The following PPFIBP2 variants were observed in gnomAD, a reference collection of about 807,000 sequenced individuals.
PPFIBP2 encodes the protein liprin-beta-2.
A neutral mutation model predicts 118.3 loss-of-function variants in PPFIBP2; 118 were observed. The ratio of observed to expected loss-of-function variants is 1.00; its 90% CI spans 0.86 to 1.16. PPFIBP2 has a LOEUF of 1.16. PPFIBP2 is among the 50% of genes most tolerant of loss of function. The pLI, the probability that PPFIBP2 is intolerant of heterozygous loss-of-function variation, is 0.00. For missense variants in PPFIBP2, 1,195 were observed against 1,073.1 expected (o/e 1.11, Z -1.59); for synonymous variants, 414 against 397.4 (o/e 1.04, Z -0.50).
downstream of PPFIBP2, among the ~76,000 whole-genome samples, chr11:7,659,054 G>A (rs1854832024): frequency 7.1e-6 from 1 of 141,072 alleles, no homozygotes; most frequent in Admixed American, 7.0e-5. Flanking sequence ...CCCTTTGTCA[G>A]ATGAGTAGGT....
chr11:7,539,556 C>G (rs1383391096), intron 1 of PPFIBP2: 1 of 151,944 alleles, frequency 6.6e-6, no homozygotes, highest in Non-Finnish European at 1.5e-5. Context: ...CTCTTTATTT[C>G]CTTTCATTTT....
chr11:7,663,890 T>G, the PPFIBP2 span, among the ~76,000 whole-genome samples: 117,190 of 152,024 alleles, frequency 0.77, 45,317 homozygotes, highest in African/African-American at 0.79. Context: ...CGCAGTATTC[T>G]GGTGGGAGTG....
At chr11:7,598,984 A>G (rs1280366356) in intron 5 of PPFIBP2, among the ~76,000 whole-genome samples, 1 of 152,114 alleles carries the variant, frequency 6.6e-6, no homozygotes, top group African/African-American at 2.4e-5. Context: ...TTATCTTTTC[A>G]TTGCTGATTA....
rs139926463 is a variant in PPFIBP2 at position 7,653,742 on chromosome 11, A to G, written c.*524A>G. 6.2e-3 allele frequency: 7,562 copies of G among 1,217,320 alleles called. 32 individuals carry two copies. The highest frequency in any genetic ancestry group is 7.1e-3 in the Non-Finnish European group (6,835 of 956,952). The allele number at this position is 1,217,320 out of a possible 1,614,324, so 75.4% of individuals were successfully genotyped here. On this transcript the variant is annotated 3_prime_UTR_variant, in exon 24 of 24. Transcript: ENST00000299492. Reference sequence around the variant, plus strand: ...TCTCTTCTTTCTTGTAATAAAAGCAATATTTATGCGGAAAGCAAGCAGCTC... The same window carrying G: ...TCTCTTCTTTCTTGTAATAAAAGCAGTATTTATGCGGAAAGCAAGCAGCTC...
chr11:7,617,255 G>A (rs1848765810), intron 6 of PPFIBP2: 1 of 985,304 alleles, frequency 1.0e-6, no homozygotes, highest in Non-Finnish European at 1.2e-6. Flanking sequence ...CCGAGCCCCA[G>A]CCCTGCAGCC....
At chr11:7,565,497 A>G (rs1475837903) in intron 2 of PPFIBP2, 56 bp from the exon 3 acceptor site, 36 of 1,573,642 alleles carry the variant, frequency 2.3e-5, no homozygotes, top group Non-Finnish European at 3.5e-6. Context: ...CTTTACTAGT[A>G]CCTTGCTCAG....
chr11:7,594,492 A>G (rs977976452), intron 4 of PPFIBP2, among the ~76,000 whole-genome samples: 5 of 152,270 alleles, frequency 3.3e-5, no homozygotes, highest in Non-Finnish European at 5.9e-5. Context: ...TTTGAAAGAG[A>G]GAGAGTGGGC....
chr11:7,663,869 C>T, the PPFIBP2 span, among the ~76,000 whole-genome samples: 18 of 152,304 alleles, frequency 1.2e-4, no homozygotes, highest in South Asian at 4.1e-4. Context: ...TTTTTAAGCC[C>T]GTCGGAAAAG....
chr11:7,631,618 C>G (rs1850768443), intron 11 of PPFIBP2, among the ~76,000 whole-genome samples: 1 of 152,124 alleles, frequency 6.6e-6, no homozygotes, highest in Non-Finnish European at 1.5e-5. Flanking sequence ...ATAAACAAGA[C>G]CTCAGGTGAA....
chr11:7,655,016 T>C (rs2136066372), downstream of PPFIBP2, among the ~76,000 whole-genome samples: 1 of 152,274 alleles, frequency 6.6e-6, no homozygotes, highest in East Asian at 1.9e-4. Flanking sequence ...TGCCCACCTA[T>C]GTCAGGGCAT....
chr11:7,553,189 C>T (rs966383407), intron 2 of PPFIBP2, among the ~76,000 whole-genome samples: 2 of 151,982 alleles, frequency 1.3e-5, no homozygotes, highest in East Asian at 3.9e-4. Context: ...CTATTTTCAC[C>T]CTTGTTTCAC....
At chr11:7,611,871 A>G (rs1354494878) in intron 6 of PPFIBP2, among the ~76,000 whole-genome samples, 1 of 152,226 alleles carries the variant, frequency 6.6e-6, no homozygotes, top group Admixed American at 6.5e-5. Flanking sequence ...CTGAAAGCTA[A>G]TCTGTGTGAA....
chr11:7,641,824 G>A (rs566783167), intron 16 of PPFIBP2: 70 of 606,434 alleles, frequency 1.2e-4, no homozygotes, highest in Non-Finnish European at 1.9e-4. Flanking sequence ...ATATCCAGTT[G>A]CCTTTCATGT....
At chr11:7,649,402 GC>G in intron 20 of PPFIBP2, 129 bp from the exon 21 acceptor site, 2 of 1,323,248 alleles carry the variant, frequency 1.5e-6, no homozygotes, top group Non-Finnish European at 2.1e-6. Context: ...ACTGTGATAA[GC>G]TATTGGTGTC....
At position 7,582,587 on chromosome 11, in the gene PPFIBP2, G is replaced by A. The variant is rs568031215; in HGVS notation, c.280-10545G>A. On this transcript the variant is annotated intron_variant, in intron 3 of 23. Coordinates refer to ENST00000299492, the MANE Select transcript of PPFIBP2 (RefSeq NM_003621.5). Reference sequence around the variant, plus strand: ...TTGTTGGTTTTGTGGACTGGCAGCAGCACTTAGGGATCCTTTGACTCATCC... The same window carrying A: ...TTGTTGGTTTTGTGGACTGGCAGCAACACTTAGGGATCCTTTGACTCATCC... 1.1e-4 allele frequency among the ~76,000 whole-genome samples: 17 copies of A among 152,182 alleles called. No individual in the cohort carries two copies. The East Asian group carries it at 3.3e-3, about 29-fold the overall frequency.
At chr11:7,581,994 G>A (rs534962240) in intron 3 of PPFIBP2, among the ~76,000 whole-genome samples, 1 of 152,166 alleles carries the variant, frequency 6.6e-6, no homozygotes, top group East Asian at 1.9e-4. Flanking sequence ...ACACCGCCAT[G>A]CCCAGCTAAT....
chr11:7,533,647 A>G (rs1380151580), intron 1 of PPFIBP2, among the ~76,000 whole-genome samples: 1 of 152,248 alleles, frequency 6.6e-6, no homozygotes, highest in Non-Finnish European at 1.5e-5. Flanking sequence ...TAATGGTGTT[A>G]GGAAAGGTTT....
intron 6 of PPFIBP2, among the ~76,000 whole-genome samples, chr11:7,619,870 C>A (rs945991422): frequency 2.0e-5 from 3 of 152,138 alleles, no homozygotes; most frequent in African/African-American, 7.2e-5. Flanking sequence ...TCCGGAGGTG[C>A]CTATGCAGCA....
At chr11:7,519,836 T>C (rs1849578912) in intron 1 of PPFIBP2, among the ~76,000 whole-genome samples, 1 of 152,158 alleles carries the variant, frequency 6.6e-6, no homozygotes, top group African/African-American at 2.4e-5. Flanking sequence ...GGACCAACGT[T>C]GGATTTTCGG....
Sources: allele counts gnomAD v4.1 joint callset (sites outside exome capture counted in the v4.1 genomes callset), GRCh38; gene constraint gnomAD v4.1.1; transcripts MANE v1.5; gene names NCBI Gene and HGNC (gene_info 2026-07-23, HGNC 2026-07-21).